PPP1R12A: variants seen among roughly 807,000 people sequenced by gnomAD.
PPP1R12A encodes myosin binding subunit.
Under a neutral mutation model 139.6 loss-of-function variants are expected in PPP1R12A, and 19 were observed. The observed-to-expected ratio is 0.14, with a 90% CI of 0.09 to 0.20. The LOEUF is 0.20. Among genes scored for constraint, PPP1R12A ranks in the 10% least tolerant of loss-of-function variants. The pLI is 1.00. For missense variants in PPP1R12A, 925 were observed against 1,211.5 expected (o/e 0.76, Z 3.51); for synonymous variants, 427 against 420.6 (o/e 1.02, Z -0.19).
intron 2 of PPP1R12A, among the ~76,000 whole-genome samples, chr12:79,867,501 TGC>T (rs1882101023): frequency 6.9e-6 from 1 of 145,370 alleles, no homozygotes; most frequent in African/African-American, 2.5e-5. Flanking sequence ...TATGTTCAAA[TGC>T]ATGAGCTCCT....
chr12:79,881,792 G>A (rs182597830), intron 1 of PPP1R12A, among the ~76,000 whole-genome samples: 1 of 152,310 alleles, frequency 6.6e-6, no homozygotes, highest in African/African-American at 2.4e-5. Context: ...TCCACGGACA[G>A]TTTGAATCTC....
chr12:79,792,410 CTG>C (rs1177619721), intron 19 of PPP1R12A, among the ~76,000 whole-genome samples: 1 of 152,156 alleles, frequency 6.6e-6, no homozygotes, highest in African/African-American at 2.4e-5. Flanking sequence ...CAGAATATAA[CTG>C]GAGTACAATA....
At chr12:79,845,959 A>G (rs1879334950) in intron 2 of PPP1R12A, among the ~76,000 whole-genome samples, 1 of 16,572 alleles carries the variant, frequency 6.0e-5, no homozygotes, top group African/African-American at 9.5e-5. Context: ...ACTTCTCATT[A>G]TCTCCATATG....
chr12:79,916,581 T>C (rs1331560594), intron 1 of PPP1R12A, among the ~76,000 whole-genome samples: 1 of 152,186 alleles, frequency 6.6e-6, no homozygotes, highest in Non-Finnish European at 1.5e-5. Context: ...TAATTATACT[T>C]AGCTTTTCTC....
intron 1 of PPP1R12A, among the ~76,000 whole-genome samples, chr12:79,923,813 C>T (rs1225940644): frequency 5.9e-5 from 9 of 152,166 alleles, no homozygotes; most frequent in African/African-American, 1.9e-4. Flanking sequence ...GAGGCTGAGG[C>T]GAGTGGATCA....
At chr12:79,910,954 A>G (rs903498873) in intron 1 of PPP1R12A, among the ~76,000 whole-genome samples, 3 of 152,188 alleles carry the variant, frequency 2.0e-5, no homozygotes, top group African/African-American at 7.2e-5. Context: ...AAAAACCCCC[A>G]TAACTTCTTC....
At chr12:79,894,637 C>T (rs1390192285) in intron 1 of PPP1R12A, among the ~76,000 whole-genome samples, 1 of 151,998 alleles carries the variant, frequency 6.6e-6, no homozygotes, top group Non-Finnish European at 1.5e-5. Context: ...ATATATAAAT[C>T]GTTGATATTG....
At chr12:79,829,539 C>T (rs949021737) in intron 4 of PPP1R12A, among the ~76,000 whole-genome samples, 2 of 152,034 alleles carry the variant, frequency 1.3e-5, no homozygotes, top group East Asian at 1.9e-4. Flanking sequence ...GAGAGATGGG[C>T]CCTGCTGATC....
At chr12:79,830,930 A>G (rs1877342762) in intron 4 of PPP1R12A, among the ~76,000 whole-genome samples, 1 of 152,160 alleles carries the variant, frequency 6.6e-6, no homozygotes, top group Non-Finnish European at 1.5e-5. Context: ...ATAATGAAGA[A>G]TCTATGTACT....
chr12:79,826,686 T>C (rs1412172463), intron 5 of PPP1R12A, among the ~76,000 whole-genome samples: 1 of 152,216 alleles, frequency 6.6e-6, no homozygotes, highest in Non-Finnish European at 1.5e-5. Flanking sequence ...TTGTATAGCA[T>C]AGGAATTAGA....
chr12:79,791,954 TTTAAGA>T (rs1871929869), intron 19 of PPP1R12A, among the ~76,000 whole-genome samples: 1 of 152,014 alleles, frequency 6.6e-6, no homozygotes, highest in African/African-American at 2.4e-5. Context: ...TTCCCCAAAT[TTTAAGA>T]TTAATTTTCC....
intron 15 of PPP1R12A, 139 bp from the exon 16 acceptor site, chr12:79,797,534 A>G (rs1193474203): frequency 1.3e-6 from 1 of 754,102 alleles, no homozygotes; most frequent in Non-Finnish European, 2.1e-6. Flanking sequence ...AAATGGAAAC[A>G]GCAAGTTACA....
intron 22 of PPP1R12A, among the ~76,000 whole-genome samples, 200 bp downstream of exon 22, chr12:79,786,174 G>T (rs375237776): frequency 6.6e-6 from 1 of 151,992 alleles, no homozygotes; most frequent in Non-Finnish European, 1.5e-5. Flanking sequence ...GTATTAAAAG[G>T]CTTTTTATAA....
intron 20 of PPP1R12A, chr12:79,789,778 C>CTT (rs5799442): frequency 3.1e-4 from 97 of 315,084 alleles, no homozygotes; most frequent in East Asian, 7.6e-4. Context: ...TTAGGTGACA[C>CTT]TTTTTTTTTT....
chr12:79,801,519 GCT>G (rs1461936473), intron 14 of PPP1R12A, among the ~76,000 whole-genome samples: 2 of 151,704 alleles, frequency 1.3e-5, no homozygotes, highest in East Asian at 1.9e-4. Flanking sequence ...GTCCTTTAAA[GCT>G]CTCAGTTCAG....
intron 1 of PPP1R12A, among the ~76,000 whole-genome samples, chr12:79,874,033 T>C (rs528558285): frequency 6.6e-6 from 1 of 152,300 alleles, no homozygotes; most frequent in East Asian, 1.9e-4. Context: ...CCCAGCACTT[T>C]GGGAGGCCGA....
chr12:79,888,971 G>T (rs1372773212), intron 1 of PPP1R12A, among the ~76,000 whole-genome samples: 1 of 152,188 alleles, frequency 6.6e-6, no homozygotes, highest in Non-Finnish European at 1.5e-5. Context: ...TTATTCTGCA[G>T]ATACAATCAC....
At chr12:79,908,126 T>C (rs1886277600) in intron 1 of PPP1R12A, among the ~76,000 whole-genome samples, 1 of 152,254 alleles carries the variant, frequency 6.6e-6, no homozygotes, top group Non-Finnish European at 1.5e-5. Context: ...TAACTAACAA[T>C]TGATCTTTCC....
At chr12:79,925,538 C>G (rs1403707169) in intron 1 of PPP1R12A, among the ~76,000 whole-genome samples, 1 of 152,184 alleles carries the variant, frequency 6.6e-6, no homozygotes, top group African/African-American at 2.4e-5. Flanking sequence ...GAATATCTCA[C>G]TTAATATACA....
Sources: gnomAD v4.1 joint callset for allele counts (sites outside exome capture counted in the v4.1 genomes callset) on GRCh38, gnomAD v4.1.1 for gene constraint, MANE v1.5 for transcripts, NCBI Gene and HGNC (gene_info 2026-07-23, HGNC 2026-07-21) for gene names.